The following MAP2 variants were observed in gnomAD, a reference collection of about 807,000 sequenced individuals.
MAP2 encodes microtubule associated protein 2.
MAP2 carries 14 observed loss-of-function variants against 137.6 expected under a neutral mutation model. The observed-to-expected ratio is 0.10, with a 90% CI of 0.07 to 0.16. MAP2 has a LOEUF of 0.16. Ranked by LOEUF, MAP2 falls within the 10% of genes least tolerant of loss-of-function variation. The pLI, the probability that MAP2 is intolerant of heterozygous loss-of-function variation, is 1.00. For synonymous variants in MAP2, 786 were observed against 782.3 expected (o/e 1.00, Z -0.08); for missense variants, 2,088 against 2,191.5 (o/e 0.95, Z 0.94).
chr2:209,702,343 C>CT (rs1462836877), intron 11 of MAP2, among the ~76,000 whole-genome samples: 1 of 151,912 alleles, frequency 6.6e-6, no homozygotes, highest in East Asian at 1.9e-4. Flanking sequence ...ATTTATTAGT[C>CT]TTTTTTTCTT....
intron 11 of MAP2, chr2:209,703,926 G>C (rs1202758941): frequency 2.2e-6 from 1 of 452,494 alleles, no homozygotes; most frequent in African/African-American, 2.0e-5. Flanking sequence ...AAAATAAAAT[G>C]GTTTAGCATT....
chr2:209,530,747 G>A (rs542329278), intron 2 of MAP2, among the ~76,000 whole-genome samples: 14 of 152,208 alleles, frequency 9.2e-5, no homozygotes, highest in African/African-American at 3.4e-4. Flanking sequence ...CAGTAATAGA[G>A]GTATTCACCT....
chr2:209,556,285 C>T (rs192613436), intron 2 of MAP2, among the ~76,000 whole-genome samples: 7 of 152,218 alleles, frequency 4.6e-5, no homozygotes, highest in African/African-American at 7.2e-5. Context: ...CTCAAGCGAT[C>T]GTCCTGCCTT....
intron 5 of MAP2, among the ~76,000 whole-genome samples, chr2:209,675,544 A>G (rs1238999518): frequency 2.0e-5 from 3 of 151,888 alleles, no homozygotes; most frequent in Non-Finnish European, 4.4e-5. Context: ...AATGATTTTC[A>G]AAGTCTATTT....
At chr2:209,467,571 C>T (rs997454358) in intron 1 of MAP2, among the ~76,000 whole-genome samples, 7 of 152,190 alleles carry the variant, frequency 4.6e-5, no homozygotes, top group African/African-American at 7.2e-5. Flanking sequence ...TTATGCTACT[C>T]TTTCTCTGTA....
intron 3 of MAP2, among the ~76,000 whole-genome samples, chr2:209,624,127 C>G (rs1012857391): frequency 6.6e-6 from 1 of 152,154 alleles, no homozygotes; most frequent in Non-Finnish European, 1.5e-5. Flanking sequence ...GTCTTTCCAA[C>G]TTGCATTTCC....
In MAP2 at chr2:209,489,786, G is replaced by A. The variant is rs143535667; in HGVS notation, c.-221-17806G>A. On this transcript the variant is annotated intron_variant, in intron 1 of 15. Transcript: ENST00000682079. ...TGAACAAAGCCTCCAAGAAATATGGGACCATGTGAAAACGCCAAACCTACA... is the reference window on the plus strand; with the variant it reads ...TGAACAAAGCCTCCAAGAAATATGGAACCATGTGAAAACGCCAAACCTACA... 6.8e-3 allele frequency among the ~76,000 whole-genome samples: 1,034 copies of A among 152,226 alleles called. 8 individuals are homozygous for A. Among genetic ancestry groups the A allele is most frequent in the African/African-American group, 0.023 (973 of 41,528 alleles).
At chr2:209,606,082 G>C (rs896528296) in intron 3 of MAP2, among the ~76,000 whole-genome samples, 5 of 151,630 alleles carry the variant, frequency 3.3e-5, no homozygotes, top group Admixed American at 6.6e-5. Flanking sequence ...TGATGGGGGG[G>C]GTGTAGAAAA....
chr2:209,473,969 A>G (rs544242729), intron 1 of MAP2, among the ~76,000 whole-genome samples: 51 of 152,314 alleles, frequency 3.3e-4, no homozygotes, highest in African/African-American at 1.1e-3. Context: ...GCCTTATGCA[A>G]TCTTTGTCTA....
In MAP2 at chr2:209,710,239, G is replaced by A; in HGVS notation, c.5058G>A (p.Gln1686=). Residue 1686 remains glutamine (Q), a synonymous_variant, in exon 13 of 16, where the codon CAG becomes CAA. Coordinates refer to ENST00000682079, the MANE Select transcript of MAP2 (RefSeq NM_001375505.1). ...GATCAACAGACAACATCAAATACCA[G>A]CCTAAAGGGGGGCAGGTAAGAATTG... The part of the protein sequence containing the change: ...KIGSTDNIKY[Q]PKGGQVQIVT... 1 of 1,577,364 alleles carries A rather than the reference G, an allele frequency of 6.3e-7. No homozygotes were observed. Among genetic ancestry groups the A allele is most frequent in the East Asian group, 2.3e-5 (1 of 42,638 alleles).
chr2:209,609,093 G>C (rs1180898689), intron 3 of MAP2, among the ~76,000 whole-genome samples: 2 of 151,910 alleles, frequency 1.3e-5, no homozygotes, highest in Non-Finnish European at 2.9e-5. Flanking sequence ...TTGAAATCAG[G>C]AAGGGTGTTT....
chr2:209,560,653 A>G (rs747352882), intron 2 of MAP2, among the ~76,000 whole-genome samples: 17 of 151,880 alleles, frequency 1.1e-4, no homozygotes, highest in Non-Finnish European at 2.2e-4. Context: ...GCCAATGTTT[A>G]TATTTTTTGA....
At chr2:209,706,239 C>T (rs1223217843) in intron 12 of MAP2, among the ~76,000 whole-genome samples, 1 of 151,938 alleles carries the variant, frequency 6.6e-6, no homozygotes, top group Non-Finnish European at 1.5e-5. Context: ...TGATTGATGG[C>T]CCATTCATGA....
chr2:209,596,818 C>G (rs973243067), intron 3 of MAP2, among the ~76,000 whole-genome samples: 1 of 152,148 alleles, frequency 6.6e-6, no homozygotes. Context: ...TTGCAAAAAG[C>G]TGGCACAATT....
chr2:209,649,559 AGT>A (rs1328837391), intron 4 of MAP2, among the ~76,000 whole-genome samples: 1 of 152,112 alleles, frequency 6.6e-6, no homozygotes, highest in African/African-American at 2.4e-5. Context: ...GTGGCCAAAT[AGT>A]GTCTCCTTTT....
chr2:209,732,101 T>C lies in MAP2; in HGVS notation c.*1704T>C, dbSNP rs76792277. On this transcript the variant is annotated 3_prime_UTR_variant, in exon 16 of 16. Coordinates refer to ENST00000682079, the MANE Select transcript of MAP2 (RefSeq NM_001375505.1). Reference sequence around the variant, plus strand: ...ATCTGTTCTTTTTCTTGCTCAGGGCTGGTAGGTTGGATCTGAACCATTAAA... The same window carrying C: ...ATCTGTTCTTTTTCTTGCTCAGGGCCGGTAGGTTGGATCTGAACCATTAAA... 0.12 allele frequency: 18,155 copies of C among 152,232 alleles called. 1,403 individuals carry two copies. The highest frequency in any genetic ancestry group is 0.23 in the East Asian group (1,176 of 5,186). The allele number at this position is 152,232 out of a possible 1,614,324, so 9.4% of individuals were successfully genotyped here. A position where few individuals can be genotyped will look rare whatever the true frequency, so the allele number is the denominator to read the frequency against.
chr2:209,591,285 A>G (rs2079166897), intron 3 of MAP2, among the ~76,000 whole-genome samples: 1 of 152,168 alleles, frequency 6.6e-6, no homozygotes, highest in Admixed American at 6.5e-5. Context: ...TCACCACTGG[A>G]GCAAGAGCTA....
chr2:209,547,491 C>T (rs978327169), intron 2 of MAP2, among the ~76,000 whole-genome samples: 3 of 151,950 alleles, frequency 2.0e-5, no homozygotes, highest in Admixed American at 6.6e-5. Context: ...CGTAAAATAC[C>T]GGCAGATTGT....
intron 4 of MAP2, among the ~76,000 whole-genome samples, chr2:209,640,446 T>C (rs1212228200): frequency 1.3e-5 from 2 of 151,898 alleles, no homozygotes; most frequent in African/African-American, 4.8e-5. Context: ...CTCCCATCAG[T>C]CAAAACCAGA....
Sources: allele counts gnomAD v4.1 joint callset (sites outside exome capture counted in the v4.1 genomes callset), GRCh38; gene constraint gnomAD v4.1.1; transcripts MANE v1.5; gene names NCBI Gene and HGNC (gene_info 2026-07-23, HGNC 2026-07-21).